TCERG1: variants seen among roughly 807,000 people sequenced by gnomAD.
TCERG1 encodes TATA box binding protein (TBP)-associated factor, RNA polymerase II, S, 150kD.
TCERG1 carries 37 observed loss-of-function variants against 144.7 expected under a neutral mutation model. The observed-to-expected ratio is 0.26, with a 90% CI of 0.20 to 0.34. The LOEUF is 0.34. TCERG1 is among the 10% of genes least tolerant of loss of function. TCERG1 has a pLI of 1.00. For missense variants in TCERG1, 1,027 were observed against 1,380.7 expected (o/e 0.74, Z 4.06); for synonymous variants, 492 against 458.2 (o/e 1.07, Z -0.94).
intron 9 of TCERG1, among the ~76,000 whole-genome samples, chr5:146,472,465 A>T (rs530129135): frequency 6.6e-6 from 1 of 152,094 alleles, no homozygotes; most frequent in Non-Finnish European, 1.5e-5. Context: ...GTGATCTTTT[A>T]TGTTACTGTT....
At chr5:146,468,230 T>C (rs948640268) in intron 5 of TCERG1, 111 bp from the exon 6 acceptor site, 2 of 884,206 alleles carry the variant, frequency 2.3e-6, no homozygotes, top group African/African-American at 3.5e-5. Flanking sequence ...TTGGTCTTTT[T>C]CATTGGAAAT....
rs768355420 is a variant in TCERG1 at position 146,470,736 on chromosome 5, G to A, written c.1500G>A (p.Lys500=). The change falls in exon 8 of 23, where the codon AAG becomes AAA. Residue 500 remains lysine, a synonymous_variant. Coordinates refer to ENST00000679501, the MANE Select transcript of TCERG1 (RefSeq NM_001382548.1). ...AGGATCCTAAAGAAGAGCCTATAAA[G>A]GAGATAAAGGAGGTAAAGGGCCATG... The part of the protein sequence containing the change: ...EEEDPKEEPI[K]EIKEEPKEEE... The A allele has an allele frequency of 1.2e-6, 2 of 1,610,666 alleles. No homozygotes were observed. Among genetic ancestry groups the A allele is most frequent in the African/African-American group, 1.3e-5 (1 of 74,600 alleles).
In TCERG1 at chr5:146,492,338, G is replaced by T. The variant is rs186684786; in HGVS notation, c.2164-582G>T. ...CTTTTCCACTTGTCCCATCAGCTTT[G>T]CAAGTTGCTGGTTCTTTTTTTCTCA... On this transcript the variant is annotated intron_variant, in intron 15 of 22. Coordinates refer to ENST00000679501, the MANE Select transcript of TCERG1 (RefSeq NM_001382548.1). Among the ~76,000 whole-genome samples, 133 of 152,154 alleles carry T rather than the reference G, an allele frequency of 8.7e-4. 1 individual carries two copies. Among genetic ancestry groups the T allele is most frequent in the Middle Eastern group, 6.8e-3 (2 of 294 alleles).
At chr5:146,474,125 A>G (rs1294667961) in intron 9 of TCERG1, among the ~76,000 whole-genome samples, 1 of 152,194 alleles carries the variant, frequency 6.6e-6, no homozygotes, top group African/African-American at 2.4e-5. Flanking sequence ...TCTGTAAACA[A>G]TTCACCATTG....
In TCERG1 at chr5:146,511,214, C is replaced by T. The variant is rs985285862; in HGVS notation, c.*572C>T. ...TGATTATCCCCTCTGAATTATAGAC[C>T]GAGTCTTGTTGTTTAGCCTAAGAGA... On this transcript the variant is annotated 3_prime_UTR_variant, in exon 23 of 23. Coordinates refer to ENST00000679501, the MANE Select transcript of TCERG1 (RefSeq NM_001382548.1). 2.0e-5 allele frequency: 3 copies of T among 152,262 alleles called. No individual in the cohort carries two copies. Among genetic ancestry groups the T allele is most frequent in the Admixed American group, 6.6e-5 (1 of 15,254 alleles). The allele number at this position is 152,262 out of a possible 1,614,324, so 9.4% of individuals were successfully genotyped here. A position where few individuals can be genotyped will look rare whatever the true frequency, so the allele number is the denominator to read the frequency against.
At chr5:146,459,405 C>G in intron 4 of TCERG1, 68 bp downstream of exon 4, 1 of 1,546,814 alleles carries the variant, frequency 6.5e-7, no homozygotes, top group Non-Finnish European at 8.7e-7. Context: ...GACTACATTT[C>G]ATATTGATCC....
intron 22 of TCERG1, chr5:146,510,114 G>T (rs1176742144): frequency 7.6e-7 from 1 of 1,312,598 alleles, no homozygotes; most frequent in Admixed American, 2.3e-5. Flanking sequence ...AAGATGCTGG[G>T]ATTGGCAGCC....
intron 13 of TCERG1, 197 bp downstream of exon 13, chr5:146,481,397 T>C (rs1296603839): frequency 6.0e-6 from 1 of 166,858 alleles, no homozygotes; most frequent in Non-Finnish European, 1.2e-5. Flanking sequence ...TATAAGAGGG[T>C]ATATTGTTTG....
intron 15 of TCERG1, 47 bp downstream of exon 15, chr5:146,483,676 A>G: frequency 2.3e-6 from 3 of 1,302,652 alleles, no homozygotes; most frequent in Non-Finnish European, 3.2e-6. Flanking sequence ...TCTTGCCAAC[A>G]TAGTTTTTAA....
intron 8 of TCERG1, 40 bp downstream of exon 8, chr5:146,470,788 T>G (rs750336642): frequency 6.9e-7 from 1 of 1,453,580 alleles, no homozygotes; most frequent in Non-Finnish European, 9.4e-7. Flanking sequence ...GCCACATTAA[T>G]TGTTTCCTAC....
chr5:146,459,105 G>GGCCCAGGCCCAGGCCCAA lies in TCERG1; in HGVS notation c.665_666insGGCCCAGGCCCAAGCCCA (p.Ala237_Gln242dup). On this transcript the variant is annotated inframe_insertion, in exon 4 of 23. Transcript: ENST00000679501. ...AGGCCCAGGCCCAGGCCCAGGCCCA[G>GGCCCAGGCCCAGGCCCAA]GCCCAAGCCCAAGCCCAGGCCCAGG... The GGCCCAGGCCCAGGCCCAA allele has an allele frequency of 1.3e-6, 2 of 1,574,496 alleles. No homozygotes were observed. The highest frequency in any genetic ancestry group is 8.7e-7 in the Non-Finnish European group (1 of 1,151,422).
At chr5:146,502,236 A>G (rs1302209164) in intron 17 of TCERG1, among the ~76,000 whole-genome samples, 2 of 152,148 alleles carry the variant, frequency 1.3e-5, no homozygotes, top group African/African-American at 2.4e-5. Flanking sequence ...AGGGGAAATG[A>G]TAGTGTTAGA....
At chr5:146,464,121 A>G (rs979237577) in intron 5 of TCERG1, among the ~76,000 whole-genome samples, 1 of 152,230 alleles carries the variant, frequency 6.6e-6, no homozygotes, top group Non-Finnish European at 1.5e-5. Context: ...TGAAGTTGAG[A>G]AATCACGTCA....
chr5:146,483,702 G>A, intron 15 of TCERG1, 73 bp downstream of exon 15: 2 of 1,182,472 alleles, frequency 1.7e-6, no homozygotes, highest in East Asian at 4.9e-5. Context: ...AAGGAATAAA[G>A]TACCATCCCT....
At chr5:146,459,966 G>A in intron 4 of TCERG1, among the ~76,000 whole-genome samples, 1 of 152,174 alleles carries the variant, frequency 6.6e-6, no homozygotes, top group East Asian at 1.9e-4. Context: ...AGGCAAATAG[G>A]TGAGACAGGC....
intron 9 of TCERG1, among the ~76,000 whole-genome samples, chr5:146,477,611 A>C (rs1324099782): frequency 6.6e-6 from 1 of 151,344 alleles, no homozygotes; most frequent in African/African-American, 2.4e-5. Context: ...TGAGTTTTCT[A>C]ACTGTAATTA....
In TCERG1 at chr5:146,469,917, T is replaced by G; in HGVS notation, c.1399+173T>G. On this transcript the variant is annotated intron_variant, in intron 7 of 22. Coordinates refer to ENST00000679501, the MANE Select transcript of TCERG1 (RefSeq NM_001382548.1). Reference sequence around the variant, plus strand: ...AAATATTTATTTTAAAAACTAGTTCTACTTACATGTTTGTCATCATTTTTT... The same window carrying G: ...AAATATTTATTTTAAAAACTAGTTCGACTTACATGTTTGTCATCATTTTTT... 3 of 469,546 alleles carry G rather than the reference T, an allele frequency of 6.4e-6. No individual in the cohort carries two copies. The South Asian group carries it at 1.5e-4, about 23-fold the overall frequency. 29.1% of individuals were successfully genotyped at this position (469,546 alleles called of 1,614,324 possible).
chr5:146,493,581 A>T (rs920871516), intron 16 of TCERG1, among the ~76,000 whole-genome samples: 2 of 152,130 alleles, frequency 1.3e-5, no homozygotes. Flanking sequence ...TTTAAAACAT[A>T]TATGTATGCA....
chr5:146,454,166 A>T (rs1266521571), intron 1 of TCERG1, among the ~76,000 whole-genome samples: 1 of 151,166 alleles, frequency 6.6e-6, no homozygotes, highest in East Asian at 1.9e-4. Context: ...ATGCCACTGT[A>T]CTCCAGCCTG....
Sources: gnomAD v4.1 joint callset for allele counts (sites outside exome capture counted in the v4.1 genomes callset) on GRCh38, gnomAD v4.1.1 for gene constraint, MANE v1.5 for transcripts, NCBI Gene and HGNC (gene_info 2026-07-23, HGNC 2026-07-21) for gene names.